Variants in TASP1 observed in about 807,000 individuals in gnomAD.
TASP1 encodes the protein threonine aspartase 1.
A neutral mutation model predicts 56.6 loss-of-function variants in TASP1; 16 were observed. That is an observed-to-expected ratio of 0.28 (90% CI 0.19 to 0.43). The LOEUF is 0.43. Ranked by LOEUF, TASP1 falls within the 20% of genes least tolerant of loss-of-function variation. TASP1 has a pLI of 1.00. For missense variants in TASP1, 393 were observed against 511.6 expected, an observed-to-expected ratio of 0.77 and a Z score of 2.24; for synonymous variants, 179 against 184.2, an observed-to-expected ratio of 0.97 and a Z score of 0.23.
the TASP1 span, among the ~76,000 whole-genome samples, chr20:13,214,444 G>A: frequency 1.3e-5 from 2 of 151,824 alleles, no homozygotes; most frequent in Non-Finnish European, 2.9e-5. Context: ...GGGCAACAGT[G>A]GTGACTAGGA....
At chr20:13,109,756 G>C in the TASP1 span, among the ~76,000 whole-genome samples, 1 of 152,168 alleles carries the variant, frequency 6.6e-6, no homozygotes, top group African/African-American at 2.4e-5. Context: ...TATTAATTAT[G>C]TCTCTCAGAG....
At chr20:13,485,001 G>A (rs2043273472) in intron 10 of TASP1, among the ~76,000 whole-genome samples, 1 of 152,130 alleles carries the variant, frequency 6.6e-6, no homozygotes. Context: ...GCAAAGGGAA[G>A]GATAGTATTA....
the TASP1 span, among the ~76,000 whole-genome samples, chr20:13,294,636 AG>A: frequency 6.6e-6 from 1 of 152,144 alleles, no homozygotes. Flanking sequence ...TAGGTAACTG[AG>A]GAGCCTTTGG....
the TASP1 span, among the ~76,000 whole-genome samples, chr20:13,227,465 AGTGCT>A: frequency 1.3e-5 from 2 of 149,024 alleles, no homozygotes; most frequent in African/African-American, 5.0e-5. Context: ...GACCTCCCAA[AGTGCT>A]GGGATTACAG....
intron 1 of TASP1, among the ~76,000 whole-genome samples, chr20:13,636,119 GAATAAAT>G (rs2049296073): frequency 6.9e-6 from 1 of 145,752 alleles, no homozygotes; most frequent in African/African-American, 2.5e-5. Flanking sequence ...TACAACTCAT[GAATAAAT>G]AATTGTGTTG....
At chr20:13,435,383 G>T (rs189435056) in intron 11 of TASP1, among the ~76,000 whole-genome samples, 1 of 152,078 alleles carries the variant, frequency 6.6e-6, no homozygotes, top group African/African-American at 2.4e-5. Context: ...GATGTAAGTG[G>T]GGGAGGGAAT....
At chr20:13,538,158 C>T (rs1482399662) in intron 8 of TASP1, among the ~76,000 whole-genome samples, 1 of 152,044 alleles carries the variant, frequency 6.6e-6, no homozygotes, top group African/African-American at 2.4e-5. Context: ...CCCACCACCA[C>T]ACCCAGCTAA....
the TASP1 span, among the ~76,000 whole-genome samples, chr20:13,136,263 G>A: frequency 6.6e-6 from 1 of 152,094 alleles, no homozygotes; most frequent in Non-Finnish European, 1.5e-5. Context: ...AATGACTTGT[G>A]TTCTTCCTGG....
the TASP1 span, among the ~76,000 whole-genome samples, chr20:13,353,484 C>T: frequency 6.6e-6 from 1 of 152,096 alleles, no homozygotes; most frequent in Non-Finnish European, 1.5e-5. Flanking sequence ...TGCTAACACA[C>T]ATTAAGTAAA....
At chr20:13,268,296 T>G in the TASP1 span, among the ~76,000 whole-genome samples, 551 of 150,424 alleles carry the variant, frequency 3.7e-3, 2 homozygotes, top group South Asian at 0.011. Flanking sequence ...TTTCTTCTCT[T>G]CCTTCTCTTC....
the TASP1 span, among the ~76,000 whole-genome samples, chr20:13,383,102 A>T: frequency 1.3e-5 from 2 of 152,158 alleles, no homozygotes; most frequent in African/African-American, 4.8e-5. Context: ...CCAGAGAAAT[A>T]GTATGGGGTC....
chr20:13,507,565 T>C (rs2044177220), intron 10 of TASP1, among the ~76,000 whole-genome samples: 1 of 151,796 alleles, frequency 6.6e-6, no homozygotes, highest in African/African-American at 2.4e-5. Context: ...TATAAAATAA[T>C]GATGAAGAAA....
chr20:13,387,798 C>T (rs2041175773), downstream of TASP1, among the ~76,000 whole-genome samples: 1 of 152,252 alleles, frequency 6.6e-6, no homozygotes, highest in Non-Finnish European at 1.5e-5. Context: ...TAATTGTTTT[C>T]CTTTCTCCAC....
intron 8 of TASP1, among the ~76,000 whole-genome samples, chr20:13,558,207 G>C (rs1012614216): frequency 3.9e-5 from 6 of 152,156 alleles, no homozygotes; most frequent in Admixed American, 3.3e-4. Flanking sequence ...AAAGAATATT[G>C]ATGAATGCTA....
chr20:13,404,773 T>C (rs1475563404), intron 13 of TASP1, among the ~76,000 whole-genome samples: 5 of 152,158 alleles, frequency 3.3e-5, no homozygotes, highest in Non-Finnish European at 7.4e-5. Context: ...TCAAATAAAT[T>C]GCAATTTCTA....
the TASP1 span, among the ~76,000 whole-genome samples, chr20:13,112,018 C>T: frequency 0.08 from 12,130 of 152,246 alleles, 812 homozygotes; most frequent in African/African-American, 0.18. Context: ...CAGAGTGGTA[C>T]CAAACCACAA....
the TASP1 span, among the ~76,000 whole-genome samples, chr20:13,339,917 T>A: frequency 7.9e-5 from 12 of 152,052 alleles, no homozygotes; most frequent in African/African-American, 2.9e-4. Flanking sequence ...AGTCCTTTTT[T>A]CTCTTATTAT....
At chr20:13,216,130 C>T in the TASP1 span, among the ~76,000 whole-genome samples, 7 of 152,150 alleles carry the variant, frequency 4.6e-5, no homozygotes, top group Admixed American at 4.6e-4. Context: ...GTGAATGAGG[C>T]AAACAAGCAC....
chr20:13,448,360 T>A (rs1223310897), intron 11 of TASP1, among the ~76,000 whole-genome samples: 2 of 152,166 alleles, frequency 1.3e-5, no homozygotes, highest in African/African-American at 2.4e-5. Context: ...TCGAGTGGCT[T>A]TATTTTCACA....
Sources: gnomAD v4.1 joint callset for allele counts (sites outside exome capture counted in the v4.1 genomes callset) on GRCh38, gnomAD v4.1.1 for gene constraint, MANE v1.5 for transcripts, NCBI Gene and HGNC (gene_info 2026-07-23, HGNC 2026-07-21) for gene names.